Variants in PLK4 observed in about 807,000 individuals in gnomAD.
The protein encoded by PLK4 is polo like kinase 4, also known as serine/threonine-protein kinase PLK4.
PLK4 carries 51 observed loss-of-function variants against 103.0 expected under a neutral mutation model. The observed-to-expected ratio is 0.50, with a 90% CI of 0.40 to 0.63. The LOEUF (loss-of-function observed/expected upper bound fraction) is 0.63, where lower values mean the gene tolerates loss of function less well. Ranked by LOEUF, PLK4 falls within the 20% of genes least tolerant of loss-of-function variation. PLK4 has a pLI of 0.00. For synonymous variants in PLK4, 389 were observed against 376.8 expected (o/e 1.03, Z -0.38); for missense variants, 1,054 against 1,151.0 (o/e 0.92, Z 1.22).
rs199606731 is a variant in PLK4, at chr4:127,889,506, AC to A, written c.1460-359del. On this transcript the variant is annotated intron_variant, in intron 6 of 15. Transcript: ENST00000270861. Reference sequence around the variant, plus strand: ...TATATTTTTCTCATGTAGAATGATTACTTGGGAACTCAAATCTGCTTTTGTT... The same window carrying A: ...TATATTTTTCTCATGTAGAATGATTATTGGGAACTCAAATCTGCTTTTGTT... Among the ~76,000 whole-genome samples, 6 of 152,296 alleles carry A rather than the reference AC, an allele frequency of 3.9e-5. No individual in the cohort carries two copies. The East Asian group carries it at 9.6e-4, about 24-fold the overall frequency.
intron 13 of PLK4, among the ~76,000 whole-genome samples, chr4:127,894,397 T>G (rs951540266): frequency 1.3e-5 from 2 of 152,046 alleles, no homozygotes; most frequent in African/African-American, 4.8e-5. Flanking sequence ...TGGCTAATTT[T>G]TTTTGTATTT....
rs201485470 is a variant in PLK4, at chr4:127,889,923, G to C, written c.1517G>C (p.Gly506Ala). 2 of 1,613,630 alleles carry C rather than the reference G, an allele frequency of 1.2e-6. No individual in the cohort carries two copies. Among genetic ancestry groups the C allele is most frequent in the East Asian group, 2.2e-5 (1 of 44,872 alleles). ...DSISPNRDFQ[G>A]HPDLQKDTSK... ...ATCAGCCCAAACCGGGACTTCCAGG[G>C]CCATCCAGATTTGCAGAAGGACACA... The change falls in exon 7 of 16, where the codon GGC (glycine) becomes GCC (alanine). Residue 506 changes from glycine (G) to alanine (A), a missense_variant. Physicochemically the swap from Gly to Ala is moderately conservative, Grantham distance 60. Coordinates refer to ENST00000270861, the MANE Select transcript of PLK4 (RefSeq NM_014264.5).
At chr4:127,893,967 A>G in intron 13 of PLK4, 86 bp downstream of exon 13, 1 of 755,676 alleles carries the variant, frequency 1.3e-6, no homozygotes, top group African/African-American at 1.7e-5. Flanking sequence ...TTGTGGCTTT[A>G]CTATCATCTA....
Position 127,892,981 on chromosome 4 carries a change from G to A in PLK4, c.2189-304G>A, listed in dbSNP as rs79456927. On this transcript the variant is annotated intron_variant, in intron 10 of 15. Transcript: ENST00000270861. The stretch of plus-strand genomic sequence containing the variant: ...AATCTATAAACCTCCTTTAAGGGAC[G>A]CAAAGCATTCATATCACACAGTACA... Among the ~76,000 whole-genome samples the A allele has an allele frequency of 5.2e-3, 786 of 151,912 alleles. 8 individuals are homozygous for A. Among genetic ancestry groups the A allele is most frequent in the African/African-American group, 0.018 (754 of 41,384 alleles).
chr4:127,893,257 G>C (rs753681888), intron 10 of PLK4, 28 bp from the exon 11 acceptor site: 2 of 1,392,930 alleles, frequency 1.4e-6, no homozygotes, highest in Non-Finnish European at 2.0e-6. Flanking sequence ...AAGGATAAGA[G>C]AACAGTTTTC....
Position 127,886,526 on chromosome 4 carries a change from A to T in PLK4, c.1156A>T (p.Asn386Tyr). Residue 386 changes from asparagine (N) to tyrosine (Y), a missense_variant, in exon 5 of 16, where the codon AAT becomes TAT. Physicochemically the swap from Asn to Tyr is moderately radical, Grantham distance 143. Around this residue, in one of 4 missense-constraint regions of PLK4, gnomAD observed 680 missense variants for 660.3 expected, o/e 1.03. Coordinates refer to ENST00000270861, the MANE Select transcript of PLK4 (RefSeq NM_014264.5). ...TTCCTCTGATAGATCTGGCACTTCT[A>T]ATAGTCAGTCTCAAGCAAAAACATA... Reference protein sequence around the residue: ...AYSSDRSGTSNSQSQAKTYTM... With the variant: ...AYSSDRSGTSYSQSQAKTYTM... 1 of 1,613,994 alleles carries T rather than the reference A, an allele frequency of 6.2e-7. No individual in the cohort carries two copies. Among genetic ancestry groups the T allele is most frequent in the East Asian group, 2.2e-5 (1 of 44,860 alleles).
chr4:127,881,735 C>T (rs1734936934), intron 1 of PLK4, 96 bp from the exon 2 acceptor site: 1 of 767,254 alleles, frequency 1.3e-6, no homozygotes, highest in Non-Finnish European at 2.2e-6. Context: ...TTGTCAAATT[C>T]CCCACTCGAT....
At position 127,893,773 on chromosome 4, in the gene PLK4, T is replaced by A. The variant is rs1443779519; in HGVS notation, c.2454T>A (p.Pro818=). The change falls in exon 13 of 16, where the codon CCT becomes CCA. Residue 818 remains proline, a synonymous_variant. Coordinates refer to ENST00000270861, the MANE Select transcript of PLK4 (RefSeq NM_014264.5). The part of the protein sequence containing the change: ...GSTSSPKALS[P]PPSVDSNYPT... ...CTAGTTCACCTAAGGCCTTATCACC[T>A]CCTCCTTCTGTGGATTCAAATTACC... 12 of 1,612,996 alleles carry A rather than the reference T, an allele frequency of 7.4e-6. No individual in the cohort carries two copies. The highest frequency in any genetic ancestry group is 5.9e-6 in the Non-Finnish European group (7 of 1,179,022).
chr4:127,887,590 T>A lies in PLK4; in HGVS notation c.1459+94T>A, dbSNP rs894865545. The A allele has an allele frequency of 1.4e-5, 11 of 788,362 alleles. No homozygotes were observed. The African/African-American group carries it at 1.7e-4, about 12-fold the overall frequency. The allele number at this position is 788,362 out of a possible 1,614,324, so 48.8% of individuals were successfully genotyped here. A position where few individuals can be genotyped will look rare whatever the true frequency, so the allele number is the denominator to read the frequency against. ...TATTTGAGATTTTTAAAGAAAATCA[T>A]TTTCTTGCTTGGTGCAGTAGCTCAT... On this transcript the variant is annotated intron_variant, in intron 6 of 15. Transcript: ENST00000270861.
Position 127,891,569 on chromosome 4 carries a change from C to T in PLK4, c.1936-10C>T, listed in dbSNP as rs372101886. On this transcript the variant is annotated splice_polypyrimidine_tract_variant and intron_variant, in intron 8 of 15. Transcript: ENST00000270861. ...CATGTAATTAGAATTTTAAAAAAAT[C>T]TTTTGGCAGATCACTATTTATTATC... is the stretch of plus-strand genomic sequence containing the variant. 7.4e-7 allele frequency: 1 copy of T among 1,351,216 alleles called. No homozygotes were observed. The highest frequency in any genetic ancestry group is 1.0e-6 in the Non-Finnish European group (1 of 984,938). The allele number at this position is 1,351,216 out of a possible 1,614,324, so 83.7% of individuals were successfully genotyped here.
intron 8 of PLK4, 140 bp downstream of exon 8, chr4:127,891,336 G>T (rs570132181): frequency 4.4e-4 from 204 of 467,380 alleles, no homozygotes; most frequent in Non-Finnish European, 6.8e-4. Context: ...TTCAAAAATT[G>T]AAATAGCATA....
In PLK4 at chr4:127,893,871, T is replaced by G; in HGVS notation, c.2552T>G (p.Leu851Arg). ...GCTTCTCCAACACAGGCACCAATCC[T>G]TAATCCCTCTGTAAGTAAATATATG... is the stretch of plus-strand genomic sequence containing the variant. ...SAASPTQAPI[L>R]NPSMVTNEGL... is the part of the protein sequence containing the mutation. Residue 851 changes from leucine (L) to arginine (R), a missense_variant, in exon 13 of 16, where the codon CTT (leucine) becomes CGT (arginine). Leu to Arg is a moderately radical substitution (Grantham distance 102). Transcript: ENST00000270861. The G allele has an allele frequency of 6.6e-7, 1 of 1,505,900 alleles. No individual in the cohort carries two copies. The highest frequency in any genetic ancestry group is 9.2e-7 in the Non-Finnish European group (1 of 1,082,566). The allele number at this position is 1,505,900 out of a possible 1,614,324, so 93.3% of individuals were successfully genotyped here. A position where few individuals can be genotyped will look rare whatever the true frequency, so the allele number is the denominator to read the frequency against.
Position 127,890,121 on chromosome 4 carries a change from A to C in PLK4, c.1715A>C (p.Lys572Thr). Residue 572 changes from lysine to threonine, a missense_variant, in exon 7 of 16, where the codon AAG (lysine) becomes ACG (threonine). Lys to Thr is a moderately conservative substitution (Grantham distance 78). Coordinates refer to ENST00000270861, the MANE Select transcript of PLK4 (RefSeq NM_014264.5). ...FGSDPLSEQS[K>T]TRGMEPPWGY... ...TCAGATCCTCTTTCTGAACAGAGCA[A>C]GACTAGGGGTATGGAGCCACCATGG... is the stretch of plus-strand genomic sequence containing the variant. 6.2e-7 allele frequency: 1 copy of C among 1,613,966 alleles called. No homozygotes were observed. The highest frequency in any genetic ancestry group is 2.2e-5 in the East Asian group (1 of 44,888).
rs1294891535 is a variant in PLK4, at chr4:127,886,710, C to G, written c.1340C>G (p.Pro447Arg). The part of the protein sequence containing the change: ...TSSSSGSFER[P>R]DNNQALSNHL... ...AGTAGTTCTGGATCTTTTGAAAGACCTGATAACAATCAAGCACTGTAAGAA... is the reference window on the plus strand; with the variant it reads ...AGTAGTTCTGGATCTTTTGAAAGACGTGATAACAATCAAGCACTGTAAGAA... Residue 447 changes from proline to arginine, a missense_variant, in exon 5 of 16, where the codon CCT (proline) becomes CGT (arginine). By Grantham distance (103) the Pro-to-Arg change is moderately radical (BLOSUM62 -2). Around this residue, in one of 4 missense-constraint regions of PLK4, gnomAD observed 680 missense variants for 660.3 expected, o/e 1.03. Coordinates refer to ENST00000270861, the MANE Select transcript of PLK4 (RefSeq NM_014264.5). 1.2e-6 allele frequency: 2 copies of G among 1,603,802 alleles called. No individual in the cohort carries two copies. Among genetic ancestry groups the G allele is most frequent in the African/African-American group, 2.7e-5 (2 of 74,326 alleles).
At position 127,898,536 on chromosome 4, in the gene PLK4, CATTG is replaced by C. The variant is rs2148826381; in HGVS notation, c.2912_*2del. 1 of 1,431,100 alleles carries C rather than the reference CATTG, an allele frequency of 7.0e-7. No homozygotes were observed. Among genetic ancestry groups the C allele is most frequent in the East Asian group, 2.3e-5 (1 of 43,562 alleles). 88.7% of individuals were successfully genotyped at this position (1,431,100 alleles called of 1,614,324 possible). ...GTTTTCTAATCCGACTCCTAATTTT[CATTG>C]ATTAAAACTCCTTTCAGACATATAA... On this transcript the variant is annotated frameshift_variant and stop_lost, in exon 16 of 16. Transcript: ENST00000270861. LOFTEE classifies it high-confidence loss of function.
chr4:127,884,871 C>CA, intron 4 of PLK4, among the ~76,000 whole-genome samples: 1 of 151,978 alleles, frequency 6.6e-6, no homozygotes, highest in Admixed American at 6.6e-5. Context: ...ACCCGGGAGG[C>CA]AGAGATTGCA....
intron 2 of PLK4, 53 bp downstream of exon 2, chr4:127,881,979 G>A (rs1006478790): frequency 1.0e-5 from 10 of 970,858 alleles, no homozygotes; most frequent in Non-Finnish European, 1.3e-5. Flanking sequence ...AACTAGAGAG[G>A]TATCAGAGAT....
chr4:127,895,987 A>C (rs1004801475), intron 14 of PLK4, among the ~76,000 whole-genome samples: 1 of 152,158 alleles, frequency 6.6e-6, no homozygotes, highest in African/African-American at 2.4e-5. Flanking sequence ...AAAATCTTGA[A>C]ACTTGGAGAG....
At position 127,885,851 on chromosome 4, in the gene PLK4, C is replaced by T. The variant is rs375615067; in HGVS notation, c.481C>T (p.Leu161=). The change falls in exon 5 of 16, where the codon CTG becomes TTG. Residue 161 remains leucine (L), a synonymous_variant. Transcript: ENST00000270861. The stretch of plus-strand genomic sequence containing the variant: ...TGCTGATTTTGGGCTGGCAACTCAA[C>T]TGAAAATGCCACATGAAAAGCACTA... ...KIADFGLATQ[L]KMPHEKHYTL... 8.1e-6 allele frequency: 13 copies of T among 1,613,950 alleles called. No homozygotes were observed. The African/African-American group carries it at 1.3e-4, about 17-fold the overall frequency.
Sources: gnomAD v4.1 joint callset for allele counts (sites outside exome capture counted in the v4.1 genomes callset) on GRCh38, gnomAD v4.1.1 for gene constraint, gnomAD v4.1.1 regional missense constraint, MANE v1.5 for transcripts, NCBI Gene and HGNC (gene_info 2026-07-23, HGNC 2026-07-21) for gene names.